Variants in CTNNBL1 observed in about 807,000 individuals in gnomAD.
CTNNBL1 encodes the protein catenin beta like 1, also known as beta-catenin-like protein 1.
In CTNNBL1, 31 loss-of-function variants were observed where a neutral mutation model predicts 72.7. The observed-to-expected ratio is 0.43, with a 90% confidence interval of 0.32 to 0.58. The LOEUF (loss-of-function observed/expected upper bound fraction) is 0.58, where lower values mean the gene tolerates loss of function less well. Among genes scored for constraint, CTNNBL1 ranks in the 20% least tolerant of loss-of-function variants. The pLI, the probability that CTNNBL1 is intolerant of heterozygous loss-of-function variation, is 0.08. For missense variants in CTNNBL1, 534 were observed against 725.1 expected, an observed-to-expected ratio of 0.74 and a Z score of 3.03; for synonymous variants, 240 against 267.3, an observed-to-expected ratio of 0.90 and a Z score of 1.00.
intron 1 of CTNNBL1, among the ~76,000 whole-genome samples, chr20:37,708,661 A>G (rs1415490189): frequency 6.6e-6 from 1 of 152,210 alleles, no homozygotes; most frequent in Non-Finnish European, 1.5e-5. Flanking sequence ...GTGGGTTGGT[A>G]AATGGAAATT....
rs116294299 is a variant in CTNNBL1 at position 37,799,525 on chromosome 20, G to A, written c.1032-3342G>A. ...TGGCAAATACTCATTCCTTAGACTC[G>A]GTGCAGAAGTCACCTGCCATTTGAC... On this transcript the variant is annotated intron_variant, in intron 10 of 15. Coordinates refer to ENST00000361383, the MANE Select transcript of CTNNBL1 (RefSeq NM_030877.5). 4.6e-3 allele frequency among the ~76,000 whole-genome samples: 707 copies of A among 152,160 alleles called. 1 individual carries two copies. The highest frequency in any genetic ancestry group is 0.017 in the African/African-American group (692 of 41,506).
intron 11 of CTNNBL1, among the ~76,000 whole-genome samples, chr20:37,813,052 G>A (rs2072026226): frequency 6.6e-6 from 1 of 152,152 alleles, no homozygotes; most frequent in Admixed American, 6.5e-5. Flanking sequence ...ACTGCAGTGA[G>A]CCTTAAACCT....
chr20:37,851,857 T>C (rs6021357), intron 13 of CTNNBL1, among the ~76,000 whole-genome samples: 124,343 of 152,218 alleles, frequency 0.82, 50,848 homozygotes, highest in Middle Eastern at 0.89. Flanking sequence ...CTCTTGCCAG[T>C]GTGAAAGAAC....
intron 11 of CTNNBL1, among the ~76,000 whole-genome samples, chr20:37,820,544 C>T (rs934977530): frequency 2.6e-5 from 4 of 152,164 alleles, no homozygotes; most frequent in Non-Finnish European, 5.9e-5. Context: ...TCTCACATAT[C>T]CAGAAAGGGA....
At chr20:37,812,278 C>T (rs1350713808) in intron 11 of CTNNBL1, among the ~76,000 whole-genome samples, 1 of 152,132 alleles carries the variant, frequency 6.6e-6, no homozygotes, top group Non-Finnish European at 1.5e-5. Context: ...TGCACATTTG[C>T]CTTCTTTCAA....
chr20:37,738,695 A>C (rs2073189958), intron 3 of CTNNBL1, among the ~76,000 whole-genome samples: 1 of 152,240 alleles, frequency 6.6e-6, no homozygotes, highest in South Asian at 2.1e-4. Flanking sequence ...AAGAGATATA[A>C]TAGGAGAAGA....
At chr20:37,822,172 A>G (rs550448655) in intron 11 of CTNNBL1, among the ~76,000 whole-genome samples, 1 of 152,180 alleles carries the variant, frequency 6.6e-6, no homozygotes, top group Non-Finnish European at 1.5e-5. Context: ...CGTAGTTTCT[A>G]GAGGCTACCA....
chr20:37,709,639 A>G (rs937642418), intron 1 of CTNNBL1, among the ~76,000 whole-genome samples: 1 of 152,204 alleles, frequency 6.6e-6, no homozygotes, highest in African/African-American at 2.4e-5. Flanking sequence ...TGAAACACGT[A>G]ATGGGGGCTC....
chr20:37,802,147 A>T (rs1290802194), intron 10 of CTNNBL1, among the ~76,000 whole-genome samples: 1 of 152,214 alleles, frequency 6.6e-6, no homozygotes, highest in African/African-American at 2.4e-5. Context: ...AAATGGACCA[A>T]TTGTGGCATG....
intron 7 of CTNNBL1, among the ~76,000 whole-genome samples, chr20:37,773,319 G>A (rs2073542282): frequency 1.3e-5 from 2 of 152,222 alleles, no homozygotes; most frequent in Admixed American, 1.3e-4. Context: ...GATATAACCT[G>A]CAGCTTCTGG....
intron 15 of CTNNBL1, among the ~76,000 whole-genome samples, chr20:37,868,124 A>G (rs1383829486): frequency 1.3e-5 from 2 of 152,128 alleles, no homozygotes; most frequent in African/African-American, 4.8e-5. Context: ...GTCCACCCAC[A>G]TCTGTCCTGG....
At chr20:37,708,806 A>G (rs1476534975) in intron 1 of CTNNBL1, among the ~76,000 whole-genome samples, 3 of 152,050 alleles carry the variant, frequency 2.0e-5, no homozygotes, top group East Asian at 3.9e-4. Flanking sequence ...CTTCCTTTCA[A>G]CAGCTACCCA....
At chr20:37,718,361 C>T (rs1437630523) in intron 1 of CTNNBL1, among the ~76,000 whole-genome samples, 2 of 138,648 alleles carry the variant, frequency 1.4e-5, no homozygotes, top group Non-Finnish European at 3.0e-5. Flanking sequence ...TAGGGGCGGC[C>T]GGGCAGAGGC....
rs1407617366 is a variant in CTNNBL1, at chr20:37,859,606, T to G, written c.1393-293T>G. Among the ~76,000 whole-genome samples the G allele has an allele frequency of 5.5e-4, 4 of 7,310 alleles. No individual in the cohort carries two copies. In the East Asian group the frequency reaches 0.036, roughly 66 times the overall value. 4.8% of individuals were successfully genotyped at this position (7,310 alleles called of 152,430 possible). A position where few individuals can be genotyped will look rare whatever the true frequency, so the allele number is the denominator to read the frequency against. ...CTTGGATTTGTGTCCCGTCAGCTTG[T>G]TTTTTTTTTTTTTAGCTTTTTTTAT... On this transcript the variant is annotated intron_variant, in intron 13 of 15. Coordinates refer to ENST00000361383, the MANE Select transcript of CTNNBL1 (RefSeq NM_030877.5).
intron 2 of CTNNBL1, among the ~76,000 whole-genome samples, chr20:37,736,533 T>A (rs369369576): frequency 6.6e-6 from 1 of 152,248 alleles, no homozygotes; most frequent in East Asian, 1.9e-4. Flanking sequence ...AATGAGTGAG[T>A]CTTTAACAAC....
intron 1 of CTNNBL1, among the ~76,000 whole-genome samples, chr20:37,701,596 A>G (rs988893336): frequency 2.6e-4 from 39 of 152,174 alleles, no homozygotes; most frequent in Admixed American, 2.3e-3. Context: ...GAAAAGGGAG[A>G]TGACACTGGA....
intron 4 of CTNNBL1, among the ~76,000 whole-genome samples, chr20:37,746,825 A>C (rs1052673075): frequency 1.3e-5 from 2 of 152,248 alleles, no homozygotes; most frequent in African/African-American, 4.8e-5. Flanking sequence ...AATCCTTAAA[A>C]TTGTCCTATT....
chr20:37,831,629 G>A (rs1340622755), intron 11 of CTNNBL1, among the ~76,000 whole-genome samples: 3 of 152,156 alleles, frequency 2.0e-5, no homozygotes, highest in Non-Finnish European at 4.4e-5. Flanking sequence ...GCCTCCCAAA[G>A]TGCTGGGATT....
intron 15 of CTNNBL1, among the ~76,000 whole-genome samples, chr20:37,866,698 T>C (rs918028012): frequency 6.6e-6 from 1 of 152,214 alleles, no homozygotes; most frequent in African/African-American, 2.4e-5. Flanking sequence ...ATTTAAGTCT[T>C]GGTTTCCTCC....
Sources: allele counts gnomAD v4.1 joint callset (sites outside exome capture counted in the v4.1 genomes callset), GRCh38; gene constraint gnomAD v4.1.1; transcripts MANE v1.5; gene names NCBI Gene and HGNC (gene_info 2026-07-23, HGNC 2026-07-21).